SLC26A4: variants seen among roughly 807,000 people sequenced by gnomAD.
SLC26A4 encodes solute carrier family 26 member 4.
Under a neutral mutation model 90.4 loss-of-function variants are expected in SLC26A4, and 93 were observed. That is an observed-to-expected ratio of 1.03 (90% CI 0.87 to 1.22). The LOEUF (loss-of-function observed/expected upper bound fraction) is 1.22, where lower values mean the gene tolerates loss of function less well. Ranked by LOEUF, SLC26A4 falls within the 50% of genes most tolerant of loss-of-function variation. The pLI is 0.00. For missense variants in SLC26A4, 1,127 were observed against 946.2 expected, an observed-to-expected ratio of 1.19 and a Z score of -2.51; for synonymous variants, 393 against 354.6, an observed-to-expected ratio of 1.11 and a Z score of -1.22.
chr7:107,716,510 T>C lies in SLC26A4; in HGVS notation c.*1064T>C, dbSNP rs1252377126. 1 of 152,224 alleles carries C rather than the reference T, an allele frequency of 6.6e-6. No individual in the cohort carries two copies. Among genetic ancestry groups the C allele is most frequent in the Non-Finnish European group, 1.5e-5 (1 of 68,042 alleles). 9.4% of individuals were successfully genotyped at this position (152,224 alleles called of 1,614,324 possible). Reference sequence around the variant, plus strand: ...TAAAGACAAAGCATTCTAAATGAACTCAATATAAAAACATTCATTTGGAAT... The same window carrying C: ...TAAAGACAAAGCATTCTAAATGAACCCAATATAAAAACATTCATTTGGAAT... On this transcript the variant is annotated 3_prime_UTR_variant, in exon 21 of 21. Coordinates refer to ENST00000644269, the MANE Select transcript of SLC26A4 (RefSeq NM_000441.2).
rs397516424 is a variant in SLC26A4 at position 107,701,986 on chromosome 7, A to G, written c.1963A>G (p.Ile655Val). 29 of 1,613,978 alleles carry G rather than the reference A, an allele frequency of 1.8e-5. No individual in the cohort carries two copies. The highest frequency in any genetic ancestry group is 1.6e-4 in the Middle Eastern group (1 of 6,082). ...CAAAGTGAACGTTCCCAAAGTGCCAATCCATAGCCTTGTGCTTGACTGTGG... is the reference window on the plus strand; with the variant it reads ...CAAAGTGAACGTTCCCAAAGTGCCAGTCCATAGCCTTGTGCTTGACTGTGG... ...PVKVNVPKVPIHSLVLDCGAI... is the reference protein window; with the variant it reads ...PVKVNVPKVPVHSLVLDCGAI... Residue 655 changes from isoleucine (I) to valine (V), a missense_variant, in exon 17 of 21, where the codon ATC (isoleucine) becomes GTC (valine). Ile to Val is a conservative substitution (Grantham distance 29, BLOSUM62 3). Transcript: ENST00000644269.
At chr7:107,678,780 G>T (rs1237274076) in intron 6 of SLC26A4, among the ~76,000 whole-genome samples, 1 of 151,640 alleles carries the variant, frequency 6.6e-6, no homozygotes, top group African/African-American at 2.4e-5. Context: ...ATTGCATAGG[G>T]TTAAATGAGC....
At chr7:107,663,179 T>G in intron 2 of SLC26A4, 117 bp from the exon 3 acceptor site, 1 of 1,192,098 alleles carries the variant, frequency 8.4e-7, no homozygotes, top group Admixed American at 1.7e-5. Flanking sequence ...CAGGAAATAC[T>G]TATCCTTTTT....
At chr7:107,663,466 C>G (rs1218661128) in intron 3 of SLC26A4, 31 bp downstream of exon 3, 1 of 1,612,994 alleles carries the variant, frequency 6.2e-7, no homozygotes, top group African/African-American at 1.3e-5. Context: ...GAGTTCTGGT[C>G]TCCAGCAGGA....
chr7:107,697,172 C>T (rs887447303), intron 13 of SLC26A4, among the ~76,000 whole-genome samples: 7 of 152,158 alleles, frequency 4.6e-5, no homozygotes, highest in African/African-American at 1.7e-4. Flanking sequence ...CTGTATATGC[C>T]TCAGTGTCTA....
chr7:107,716,014 G>T lies in SLC26A4; in HGVS notation c.*568G>T, dbSNP rs894687203. ...AATGAAGTGTTATTACATATAGCCG[G>T]AATTGAGGATCTCTTTGATCCTGGA... On this transcript the variant is annotated 3_prime_UTR_variant, in exon 21 of 21. Coordinates refer to ENST00000644269, the MANE Select transcript of SLC26A4 (RefSeq NM_000441.2). 1 of 152,380 alleles carries T rather than the reference G, an allele frequency of 6.6e-6. No homozygotes were observed. The highest frequency in any genetic ancestry group is 2.1e-4 in the South Asian group (1 of 4,832). 9.4% of individuals were successfully genotyped at this position (152,380 alleles called of 1,614,324 possible). A position where few individuals can be genotyped will look rare whatever the true frequency, so the allele number is the denominator to read the frequency against.
In SLC26A4 at chr7:107,695,958, T is replaced by C; in HGVS notation, c.1463T>C (p.Val488Ala). The C allele has an allele frequency of 1.9e-6, 3 of 1,608,634 alleles. No homozygotes were observed. The highest frequency in any genetic ancestry group is 2.6e-6 in the Non-Finnish European group (3 of 1,175,030). ...DAVIWVFTCI[V>A]SIILGLDLGL... The stretch of plus-strand genomic sequence containing the variant: ...GTTATCTGGGTGTTTACGTGTATAG[T>C]GTCCATCATTCTGGGGCTGGATCTC... Residue 488 changes from valine to alanine, a missense_variant, in exon 13 of 21, where the codon GTG becomes GCG. Val to Ala is a moderately conservative substitution (Grantham distance 64). Coordinates refer to ENST00000644269, the MANE Select transcript of SLC26A4 (RefSeq NM_000441.2).
At position 107,667,466 on chromosome 7, in the gene SLC26A4, A is replaced by AAG. The variant is rs1469680610; in HGVS notation, c.304+4032_304+4033insGA. Among the ~76,000 whole-genome samples the AAG allele has an allele frequency of 5.4e-3, 800 of 148,234 alleles. 14 individuals are homozygous for AAG. Among genetic ancestry groups the AAG allele is most frequent in the African/African-American group, 0.019 (754 of 40,332 alleles). On this transcript the variant is annotated intron_variant, in intron 3 of 20. Coordinates refer to ENST00000644269, the MANE Select transcript of SLC26A4 (RefSeq NM_000441.2). ...AGAAGCCAAGAGAGAAGGTTTAAAAAAAAAAAAAAAAAAAAAAAAGCATAG... is the reference window on the plus strand; with the variant it reads ...AGAAGCCAAGAGAGAAGGTTTAAAAAAGAAAAAAAAAAAAAAAAAAAGCATAG...
intron 6 of SLC26A4, among the ~76,000 whole-genome samples, chr7:107,681,463 G>T (rs867257983): frequency 1.1e-4 from 17 of 152,124 alleles, no homozygotes; most frequent in Middle Eastern, 6.8e-3. Context: ...TTTAAAAGTA[G>T]TTTATCTGTG....
intron 6 of SLC26A4, among the ~76,000 whole-genome samples, chr7:107,675,558 A>ATTTC (rs1562824754): frequency 7.0e-4 from 102 of 145,086 alleles, no homozygotes; most frequent in African/African-American, 2.4e-3. Flanking sequence ...GAGCACCCAC[A>ATTTC]TTTCTTTCTT....
intron 3 of SLC26A4, among the ~76,000 whole-genome samples, chr7:107,664,858 G>A (rs1790666882): frequency 6.6e-6 from 1 of 151,966 alleles, no homozygotes. Flanking sequence ...ATTTCCCAAA[G>A]ACCCTGAATC....
chr7:107,681,050 A>G (rs1023632797), intron 6 of SLC26A4, among the ~76,000 whole-genome samples: 2 of 152,070 alleles, frequency 1.3e-5, no homozygotes, highest in Non-Finnish European at 2.9e-5. Context: ...AGTTCTTGTT[A>G]TCGTGTCTGC....
At chr7:107,668,880 G>A (rs1455567285) in intron 3 of SLC26A4, among the ~76,000 whole-genome samples, 1 of 152,158 alleles carries the variant, frequency 6.6e-6, no homozygotes, top group African/African-American at 2.4e-5. Flanking sequence ...ATTAGCACCT[G>A]CTTTGCCAGT....
At chr7:107,691,613 C>T (rs1459236579) in intron 10 of SLC26A4, among the ~76,000 whole-genome samples, 2 of 151,406 alleles carry the variant, frequency 1.3e-5, no homozygotes, top group African/African-American at 4.9e-5. Flanking sequence ...ATGACTCCAA[C>T]AGTGACTTGC....
chr7:107,710,094 C>T lies in SLC26A4; in HGVS notation c.2130C>T (p.Asp710=), dbSNP rs17154347. ...AGCTGGAGCAATGCGGGTTCTTTGA[C>T]GACAACATTAGAAAGGACACATTCT... ...IEKLEQCGFF[D]DNIRKDTFFL... Residue 710 remains aspartate (D), a synonymous_variant, in exon 19 of 21, where the codon GAC becomes GAT. Transcript: ENST00000644269. 5,949 of 1,611,564 alleles carry T rather than the reference C, an allele frequency of 3.7e-3. 175 individuals are homozygous for T. In the African/African-American group the frequency reaches 0.068, roughly 18 times the overall value.
intron 3 of SLC26A4, among the ~76,000 whole-genome samples, chr7:107,671,783 A>G (rs1314760956): frequency 6.6e-6 from 1 of 152,214 alleles, no homozygotes; most frequent in Non-Finnish European, 1.5e-5. Context: ...CAAGTTGAAC[A>G]TATTTTAAGT....
chr7:107,690,021 T>A, intron 9 of SLC26A4, 103 bp from the exon 10 acceptor site: 1 of 795,916 alleles, frequency 1.3e-6, no homozygotes, highest in East Asian at 2.4e-5. Context: ...CCACGCAGAG[T>A]AGGCATGGGA....
At chr7:107,674,859 G>T in intron 5 of SLC26A4, 86 bp from the exon 6 acceptor site, 1 of 1,295,448 alleles carries the variant, frequency 7.7e-7, no homozygotes, top group South Asian at 1.2e-5. Flanking sequence ...TGTTTTCATT[G>T]GTATTAAGCT....
chr7:107,662,765 C>T (rs1047953035), intron 2 of SLC26A4, among the ~76,000 whole-genome samples: 7 of 152,178 alleles, frequency 4.6e-5, no homozygotes, highest in Non-Finnish European at 8.8e-5. Flanking sequence ...AGTTATACCA[C>T]CTACTTTTGA....
Sources: allele counts gnomAD v4.1 joint callset (sites outside exome capture counted in the v4.1 genomes callset), GRCh38; gene constraint gnomAD v4.1.1; transcripts MANE v1.5; gene names NCBI Gene and HGNC (gene_info 2026-07-23, HGNC 2026-07-21).